GRHL1: variants seen among roughly 807,000 people sequenced by gnomAD.
The protein encoded by GRHL1 is grainyhead like transcription factor 1.
GRHL1 carries 38 observed loss-of-function variants against 75.7 expected under a neutral mutation model. The ratio of observed to expected loss-of-function variants is 0.50; its 90% CI spans 0.39 to 0.66. The LOEUF (loss-of-function observed/expected upper bound fraction) is 0.66, where lower values mean the gene tolerates loss of function less well. GRHL1 is among the 30% of genes least tolerant of loss of function. The pLI, the probability that GRHL1 is intolerant of heterozygous loss-of-function variation, is 0.00. For synonymous variants in GRHL1, 266 were observed against 279.4 expected (o/e 0.95, Z 0.48); for missense variants, 589 against 767.5 (o/e 0.77, Z 2.75).
At chr2:9,964,393 C>A in intron 7 of GRHL1, 47 bp downstream of exon 7, 2 of 1,003,820 alleles carry the variant, frequency 2.0e-6, no homozygotes, top group Non-Finnish European at 1.5e-6. Flanking sequence ...TGCAGCCATC[C>A]AGTTTTCTAA....
At chr2:9,998,643 CACATATACATATACATATATATGT>C (rs1669054663) in intron 14 of GRHL1, among the ~76,000 whole-genome samples, 3 of 44,920 alleles carry the variant, frequency 6.7e-5, no homozygotes, top group Non-Finnish European at 1.1e-4. Flanking sequence ...TATATATGTA[CACATATACATATACATATATATGT>C]ACACATATAT....
At chr2:9,979,150 T>TAAAAAAA (rs1668083471) in intron 8 of GRHL1, among the ~76,000 whole-genome samples, 1 of 23,402 alleles carries the variant, frequency 4.3e-5, no homozygotes. Flanking sequence ...AGACTCTCTC[T>TAAAAAAA]CAAAAAAAAA....
chr2:9,974,993 AT>A (rs1667886530), intron 8 of GRHL1, among the ~76,000 whole-genome samples: 1 of 152,148 alleles, frequency 6.6e-6, no homozygotes, highest in Non-Finnish European at 1.5e-5. Flanking sequence ...GCTGCAGAAT[AT>A]TTTTGCAAAA....
At chr2:9,964,665 T>C (rs1175444715) in intron 7 of GRHL1, 5 of 214,672 alleles carry the variant, frequency 2.3e-5, no homozygotes, top group Non-Finnish European at 3.7e-5. Context: ...CTTTAAAAGA[T>C]TCTGATTATT....
intron 8 of GRHL1, among the ~76,000 whole-genome samples, chr2:9,973,088 G>A (rs1274139802): frequency 1.3e-5 from 2 of 152,162 alleles, no homozygotes; most frequent in Admixed American, 6.5e-5. Flanking sequence ...TGTCCTCCCT[G>A]CCCGCCTCCT....
At chr2:9,952,924 T>A (rs1011704610) in intron 1 of GRHL1, 1 of 437,196 alleles carries the variant, frequency 2.3e-6, no homozygotes, top group African/African-American at 2.0e-5. Context: ...AGTTAAATTA[T>A]TGCCTGAAAC....
At chr2:9,985,583 G>C (rs1668383719) in intron 8 of GRHL1, among the ~76,000 whole-genome samples, 1 of 152,216 alleles carries the variant, frequency 6.6e-6, no homozygotes, top group South Asian at 2.1e-4. Flanking sequence ...AATGAGGACT[G>C]TTTAGTCTGC....
At chr2:9,970,377 C>T (rs556038208) in intron 8 of GRHL1, among the ~76,000 whole-genome samples, 2 of 152,352 alleles carry the variant, frequency 1.3e-5, no homozygotes, top group African/African-American at 4.8e-5. Context: ...CTTGGTTTTA[C>T]TGTGTTGTGC....
At position 10,000,807 on chromosome 2, in the gene GRHL1, C is replaced by A; in HGVS notation, c.*100C>A. The A allele has an allele frequency of 1.4e-6, 1 of 693,892 alleles. No individual in the cohort carries two copies. Among genetic ancestry groups the A allele is most frequent in the South Asian group, 1.8e-5 (1 of 56,486 alleles). The allele number at this position is 693,892 out of a possible 1,614,324, so 43.0% of individuals were successfully genotyped here. A position where few individuals can be genotyped will look rare whatever the true frequency, so the allele number is the denominator to read the frequency against. On this transcript the variant is annotated 3_prime_UTR_variant, in exon 16 of 16. Transcript: ENST00000324907. The stretch of plus-strand genomic sequence containing the variant: ...ACCCCAGTCAGCCATGTCGCCAGCA[C>A]AGGTCTATGTCGAGGGAATGGGTTC...
intron 12 of GRHL1, among the ~76,000 whole-genome samples, 188 bp downstream of exon 12, chr2:9,993,432 G>A (rs1159368967): frequency 6.6e-6 from 1 of 152,180 alleles, no homozygotes; most frequent in African/African-American, 2.4e-5. Context: ...ATCCTCCTGT[G>A]TCACAGTCAA....
At chr2:9,961,504 C>G in intron 4 of GRHL1, 68 bp downstream of exon 4, 1 of 1,421,846 alleles carries the variant, frequency 7.0e-7, no homozygotes, top group African/African-American at 1.4e-5. Context: ...CCACCTTTTC[C>G]TTGTTATGTA....
chr2:9,984,178 C>T (rs1248397199), intron 8 of GRHL1, among the ~76,000 whole-genome samples: 1 of 151,824 alleles, frequency 6.6e-6, no homozygotes, highest in Non-Finnish European at 1.5e-5. Flanking sequence ...AAAAAAGTTA[C>T]TATAGCTGCC....
At chr2:9,969,842 C>CTT (rs70948859) in intron 8 of GRHL1, among the ~76,000 whole-genome samples, 60,666 of 129,008 alleles carry the variant, frequency 0.47, 15,054 homozygotes, top group African/African-American at 0.55. Context: ...AGTTAGCACA[C>CTT]TTTTTTTTTT....
At chr2:9,961,635 G>A (rs1667279131) in intron 4 of GRHL1, among the ~76,000 whole-genome samples, 199 bp downstream of exon 4, 1 of 152,138 alleles carries the variant, frequency 6.6e-6, no homozygotes, top group Non-Finnish European at 1.5e-5. Flanking sequence ...TATCAAGGAT[G>A]CAAGGCTAAT....
At position 9,977,254 on chromosome 2, in the gene GRHL1, C is replaced by T. The variant is rs192299988; in HGVS notation, c.1111-8870C>T. Among the ~76,000 whole-genome samples the T allele has an allele frequency of 5.3e-5, 8 of 152,234 alleles. No homozygotes were observed. In the South Asian group the frequency reaches 6.2e-4, roughly 12 times the overall value. ...CAGTATGTAGATTTTGTATGCCCAT[C>T]GTTTTTCTGTCTCTCATTACTAGTA... On this transcript the variant is annotated intron_variant, in intron 8 of 15. Transcript: ENST00000324907.
rs12475243 is a variant in GRHL1 at position 9,990,845 on chromosome 2, T to G, written c.1321+98T>G. The G allele has an allele frequency of 0.23, 218,554 of 943,048 alleles. 27,704 individuals carry two copies. Among genetic ancestry groups the G allele is most frequent in the Admixed American group, 0.4 (18,881 of 47,420 alleles). The allele number at this position is 943,048 out of a possible 1,614,324, so 58.4% of individuals were successfully genotyped here. A position where few individuals can be genotyped will look rare whatever the true frequency, so the allele number is the denominator to read the frequency against. On this transcript the variant is annotated intron_variant, in intron 10 of 15. Coordinates refer to ENST00000324907, the MANE Select transcript of GRHL1 (RefSeq NM_198182.3). The surrounding 1 kb of genome is among the most constrained non-coding windows in gnomAD (Gnocchi z 4.2). ...TCCATTGAGAATGGTGGCTGGAGTT[T>G]GCACGCAGAAGACAGTGGGTGTTCT...
Position 9,969,842 on chromosome 2 carries a change from C to CTTTT in GRHL1, c.1110+4476_1110+4479dup, listed in dbSNP as rs70948859. 9.1e-4 allele frequency among the ~76,000 whole-genome samples: 118 copies of CTTTT among 129,502 alleles called. 2 individuals are homozygous for CTTTT. Among genetic ancestry groups the CTTTT allele is most frequent in the African/African-American group, 1.6e-3 (55 of 34,060 alleles). 85.0% of individuals were successfully genotyped at this position (129,502 alleles called of 152,430 possible). On this transcript the variant is annotated intron_variant, in intron 8 of 15. Coordinates refer to ENST00000324907, the MANE Select transcript of GRHL1 (RefSeq NM_198182.3). ...ATGACCTTCATGAATAGTTAGCACA[C>CTTTT]TTTTTTTTTTTTTTTTTTGAGATGG...
At chr2:9,972,871 G>GT (rs554161466) in intron 8 of GRHL1, among the ~76,000 whole-genome samples, 75 of 151,344 alleles carry the variant, frequency 5.0e-4, no homozygotes, top group African/African-American at 1.4e-3. Context: ...CTCCAGAGTG[G>GT]TTTTTTTTTC....
At position 9,965,156 on chromosome 2, in the gene GRHL1, C is replaced by T. The variant is rs147743851; in HGVS notation, c.1016-131C>T. On this transcript the variant is annotated intron_variant, in intron 7 of 15. Transcript: ENST00000324907. ...CTTCGTATTTTGAACTTCTTCTAAT[C>T]GAACAAAATGTTAATTTAAATTGTC... 2.4e-4 allele frequency: 135 copies of T among 559,940 alleles called. No homozygotes were observed. The East Asian group carries it at 2.8e-3, about 12-fold the overall frequency. 34.7% of individuals were successfully genotyped at this position (559,940 alleles called of 1,614,324 possible).
Sources: gnomAD v4.1 joint callset for allele counts (sites outside exome capture counted in the v4.1 genomes callset) on GRCh38, gnomAD v4.1.1 for gene constraint, Gnocchi (gnomAD v3.1) non-coding constraint, MANE v1.5 for transcripts, NCBI Gene and HGNC (gene_info 2026-07-23, HGNC 2026-07-21) for gene names.